The following ARL15 variants were observed in gnomAD, a reference collection of about 807,000 sequenced individuals.
ARL15 encodes ADP-ribosylation factor-like protein 15.
Under a neutral mutation model 25.2 loss-of-function variants are expected in ARL15, and 19 were observed. The ratio of observed to expected loss-of-function variants is 0.75; its 90% CI spans 0.53 to 1.10. The LOEUF (loss-of-function observed/expected upper bound fraction) is 1.10, where lower values mean the gene tolerates loss of function less well. Among genes scored for constraint, ARL15 ranks in the 50% least tolerant of loss-of-function variants. ARL15 has a pLI of 0.00. For synonymous variants in ARL15, 94 were observed against 86.8 expected (o/e 1.08, Z -0.46); for missense variants, 220 against 246.0 (o/e 0.89, Z 0.71).
intron 1 of ARL15, among the ~76,000 whole-genome samples, chr5:54,227,027 A>G (rs3846494): frequency 0.57 from 87,072 of 151,668 alleles, 25,299 homozygotes; most frequent in African/African-American, 0.64. Flanking sequence ...CTTTTCCCCC[A>G]TGATTGTGTG....
chr5:54,110,207 G>A (rs993221582), intron 4 of ARL15, among the ~76,000 whole-genome samples: 1 of 151,876 alleles, frequency 6.6e-6, no homozygotes, highest in Non-Finnish European at 1.5e-5. Context: ...TCATAGTAGG[G>A]GAGGGGACTA....
chr5:53,985,174 C>A (rs1459121153), intron 4 of ARL15, among the ~76,000 whole-genome samples: 1 of 152,074 alleles, frequency 6.6e-6, no homozygotes, highest in African/African-American at 2.4e-5. Flanking sequence ...TCAACCTTTT[C>A]CACCACTCCC....
chr5:54,079,946 G>C (rs757863030), intron 4 of ARL15, among the ~76,000 whole-genome samples: 1 of 146,526 alleles, frequency 6.8e-6, no homozygotes, highest in East Asian at 2.1e-4. Context: ...CTCCAGCCTC[G>C]GTGACAAGAG....
At chr5:53,991,141 C>T (rs565349615) in intron 4 of ARL15, among the ~76,000 whole-genome samples, 6 of 152,198 alleles carry the variant, frequency 3.9e-5, no homozygotes, top group East Asian at 1.9e-4. Context: ...ATTTTAGGAA[C>T]GCATCTGTTA....
intron 4 of ARL15, among the ~76,000 whole-genome samples, chr5:54,081,668 G>A (rs1320980548): frequency 6.6e-6 from 1 of 152,124 alleles, no homozygotes; most frequent in Non-Finnish European, 1.5e-5. Flanking sequence ...TGTGAAGAAG[G>A]TGCCTTGCTT....
chr5:54,154,287 GT>G, intron 3 of ARL15: 1 of 252,474 alleles, frequency 4.0e-6, no homozygotes, highest in Non-Finnish European at 7.4e-6. Flanking sequence ...CTCTTCATAT[GT>G]TTTATTCAAG....
intron 1 of ARL15, among the ~76,000 whole-genome samples, chr5:54,195,203 C>A (rs1003121313): frequency 1.3e-5 from 2 of 152,014 alleles, no homozygotes; most frequent in African/African-American, 4.8e-5. Context: ...ATGTACAAGC[C>A]AAATTAAGCC....
chr5:54,096,579 T>A (rs1232447422), intron 4 of ARL15, among the ~76,000 whole-genome samples: 1 of 152,020 alleles, frequency 6.6e-6, no homozygotes, highest in Non-Finnish European at 1.5e-5. Context: ...CCCAGCTAAT[T>A]TTTGTATTTT....
intron 4 of ARL15, among the ~76,000 whole-genome samples, chr5:53,897,722 T>G (rs1439082457): frequency 6.6e-6 from 1 of 152,228 alleles, no homozygotes; most frequent in Admixed American, 6.5e-5. Flanking sequence ...GATTTTTGTA[T>G]GTTGAAACAA....
intron 1 of ARL15, among the ~76,000 whole-genome samples, chr5:54,275,430 G>A (rs1757902745): frequency 1.3e-5 from 2 of 152,284 alleles, no homozygotes; most frequent in South Asian, 2.1e-4. Context: ...CAACTGGGAT[G>A]TGAGGGCAAG....
chr5:53,989,554 C>A (rs1748414088), intron 4 of ARL15, among the ~76,000 whole-genome samples: 1 of 150,344 alleles, frequency 6.7e-6, no homozygotes, highest in African/African-American at 2.4e-5. Flanking sequence ...TCTTCATTCT[C>A]AACAAACCCT....
intron 2 of ARL15, among the ~76,000 whole-genome samples, chr5:54,168,731 C>T (rs1754644269): frequency 6.6e-6 from 1 of 152,134 alleles, no homozygotes; most frequent in Non-Finnish European, 1.5e-5. Flanking sequence ...TTAGACCTTA[C>T]CCATCATATG....
intron 4 of ARL15, among the ~76,000 whole-genome samples, chr5:54,018,126 G>A (rs543251543): frequency 1.8e-4 from 28 of 152,194 alleles, no homozygotes; most frequent in African/African-American, 6.3e-4. Context: ...AAATCCAACT[G>A]TACCGCCAAG....
At chr5:54,074,809 C>A in intron 4 of ARL15, among the ~76,000 whole-genome samples, 1 of 151,360 alleles carries the variant, frequency 6.6e-6, no homozygotes, top group Non-Finnish European at 1.5e-5. Flanking sequence ...TAAAAATGCT[C>A]AAATAAAAGA....
chr5:54,096,938 C>T (rs554619724), intron 4 of ARL15, among the ~76,000 whole-genome samples: 2 of 152,162 alleles, frequency 1.3e-5, no homozygotes, highest in South Asian at 2.1e-4. Context: ...TTATTCTTAA[C>T]ACAGCCAGAG....
At chr5:54,225,693 G>C (rs1213601732) in intron 1 of ARL15, among the ~76,000 whole-genome samples, 2 of 152,126 alleles carry the variant, frequency 1.3e-5, no homozygotes, top group Non-Finnish European at 2.9e-5. Flanking sequence ...TTCATTCACA[G>C]TGTAAGGCCC....
intron 4 of ARL15, among the ~76,000 whole-genome samples, chr5:54,079,560 T>G (rs1401325996): frequency 1.3e-5 from 2 of 152,174 alleles, no homozygotes; most frequent in East Asian, 3.8e-4. Flanking sequence ...CCTTTCTAAA[T>G]GCTATTTTCA....
chr5:54,013,504 T>C (rs1749310355), intron 4 of ARL15, among the ~76,000 whole-genome samples: 1 of 152,184 alleles, frequency 6.6e-6, no homozygotes, highest in Admixed American at 6.5e-5. Context: ...CTCTGTAAGA[T>C]TAATTTTGAA....
chr5:54,295,138 T>C (rs962027428), intron 1 of ARL15, among the ~76,000 whole-genome samples: 4 of 152,244 alleles, frequency 2.6e-5, no homozygotes, highest in Non-Finnish European at 4.4e-5. Flanking sequence ...GTGAAGAATT[T>C]TAGAATTAGC....
Sources: allele counts gnomAD v4.1 joint callset (sites outside exome capture counted in the v4.1 genomes callset), GRCh38; gene constraint gnomAD v4.1.1; transcripts MANE v1.5; gene names NCBI Gene and HGNC (gene_info 2026-07-23, HGNC 2026-07-21).